The following PHKB variants were observed in gnomAD, a reference collection of about 807,000 sequenced individuals.
PHKB encodes phosphorylase kinase regulatory subunit beta, also known as phosphorylase b kinase regulatory subunit beta.
Under a neutral mutation model 152.1 loss-of-function variants are expected in PHKB, and 122 were observed. That is an observed-to-expected ratio of 0.80 (90% confidence interval 0.69 to 0.93). The LOEUF is 0.93. Among genes scored for constraint, PHKB ranks in the 40% least tolerant of loss-of-function variants. The pLI, the probability that PHKB is intolerant of heterozygous loss-of-function variation, is 0.00. For missense variants in PHKB, 1,304 were observed against 1,328.4 expected (o/e 0.98, Z 0.29); for synonymous variants, 436 against 464.9 (o/e 0.94, Z 0.80).
intron 6 of PHKB, among the ~76,000 whole-genome samples, chr16:47,525,822 G>A (rs1383887210): frequency 1.3e-5 from 2 of 152,216 alleles, no homozygotes; most frequent in Non-Finnish European, 2.9e-5. Flanking sequence ...AGTTGTACCA[G>A]AGGACAGGTG....
intron 26 of PHKB, among the ~76,000 whole-genome samples, chr16:47,686,836 A>T (rs1179907132): frequency 6.6e-6 from 1 of 152,244 alleles, no homozygotes; most frequent in Non-Finnish European, 1.5e-5. Flanking sequence ...GCTCTAAAAA[A>T]GGACATTATC....
intron 6 of PHKB, among the ~76,000 whole-genome samples, chr16:47,522,961 A>ATT (rs375826369): frequency 6.4e-4 from 79 of 122,488 alleles, no homozygotes; most frequent in African/African-American, 2.0e-3. Flanking sequence ...TTTCAAGTCA[A>ATT]TTTTTTTTTT....
At chr16:47,484,853 A>G (rs1970023314) in intron 1 of PHKB, among the ~76,000 whole-genome samples, 1 of 152,232 alleles carries the variant, frequency 6.6e-6, no homozygotes, top group South Asian at 2.1e-4. Context: ...CAAGTAGTAA[A>G]TGCATATAAT....
intron 27 of PHKB, among the ~76,000 whole-genome samples, chr16:47,691,195 A>G (rs1663472654): frequency 1.3e-5 from 2 of 152,188 alleles, no homozygotes; most frequent in Admixed American, 1.3e-4. Flanking sequence ...ACATTTCTAA[A>G]GTGTGAAGGT....
At chr16:47,542,564 G>A (rs1247632420) in intron 6 of PHKB, among the ~76,000 whole-genome samples, 1 of 152,150 alleles carries the variant, frequency 6.6e-6, no homozygotes, top group Admixed American at 6.5e-5. Context: ...GTTAGGGATG[G>A]CATTGAATCT....
chr16:47,474,521 A>G (rs1322619231), intron 1 of PHKB, among the ~76,000 whole-genome samples: 1 of 152,022 alleles, frequency 6.6e-6, no homozygotes, highest in Non-Finnish European at 1.5e-5. Context: ...ATTCTTTATT[A>G]TATTTCTGTC....
chr16:47,694,828 C>G (rs974995326), intron 28 of PHKB, among the ~76,000 whole-genome samples: 1 of 152,208 alleles, frequency 6.6e-6, no homozygotes, highest in African/African-American at 2.4e-5. Flanking sequence ...TCTTTCTCAG[C>G]CCCCACTAAT....
At chr16:47,536,943 T>C (rs1222584947) in intron 6 of PHKB, among the ~76,000 whole-genome samples, 1 of 152,240 alleles carries the variant, frequency 6.6e-6, no homozygotes, top group Non-Finnish European at 1.5e-5. Flanking sequence ...GAAAAGTGTT[T>C]TCATTTGGAA....
intron 16 of PHKB, among the ~76,000 whole-genome samples, chr16:47,647,123 AT>A (rs983179149): frequency 2.8e-4 from 43 of 151,560 alleles, no homozygotes; most frequent in African/African-American, 1.0e-3. Context: ...GTATTTATTT[AT>A]TTATTTATTT....
chr16:47,629,530 G>A (rs1485064469), intron 14 of PHKB, among the ~76,000 whole-genome samples: 1 of 151,422 alleles, frequency 6.6e-6, no homozygotes, highest in Non-Finnish European at 1.5e-5. Context: ...AACAACAGGT[G>A]CTGGAGAGGA....
chr16:47,600,276 T>G (rs537554507), intron 13 of PHKB, among the ~76,000 whole-genome samples: 1 of 152,278 alleles, frequency 6.6e-6, no homozygotes, highest in Non-Finnish European at 1.5e-5. Flanking sequence ...ATAAGTTAAT[T>G]ATTCACAGTA....
At chr16:47,495,706 C>T (rs1970220305) in intron 1 of PHKB, among the ~76,000 whole-genome samples, 1 of 152,076 alleles carries the variant, frequency 6.6e-6, no homozygotes. Context: ...TGCCAGGCTA[C>T]CCATATGCTT....
chr16:47,635,881 T>G (rs1972910845), intron 14 of PHKB, among the ~76,000 whole-genome samples: 1 of 152,250 alleles, frequency 6.6e-6, no homozygotes, highest in African/African-American at 2.4e-5. Context: ...AAGCAGTTCC[T>G]GGCATGTGGA....
At chr16:47,692,783 A>AT (rs1450176970) in intron 27 of PHKB, among the ~76,000 whole-genome samples, 1 of 152,216 alleles carries the variant, frequency 6.6e-6, no homozygotes, top group African/African-American at 2.4e-5. Flanking sequence ...GTATCACTAC[A>AT]TTCTGTTATT....
At chr16:47,549,854 A>T (rs1228996969) in intron 7 of PHKB, among the ~76,000 whole-genome samples, 1 of 152,138 alleles carries the variant, frequency 6.6e-6, no homozygotes, top group Non-Finnish European at 1.5e-5. Context: ...CTTTAAATTG[A>T]TTCATTAAGG....
intron 27 of PHKB, among the ~76,000 whole-genome samples, chr16:47,691,392 A>G (rs778029845): frequency 6.6e-6 from 1 of 152,184 alleles, no homozygotes. Context: ...GTTTTATACT[A>G]TAGTTATGTA....
chr16:47,533,756 G>A (rs1970903668), intron 6 of PHKB, among the ~76,000 whole-genome samples: 1 of 152,192 alleles, frequency 6.6e-6, no homozygotes, highest in Non-Finnish European at 1.5e-5. Context: ...AGAGTATAGA[G>A]ATGCCTGGGT....
intron 7 of PHKB, among the ~76,000 whole-genome samples, chr16:47,579,593 T>C (rs996319534): frequency 2.0e-5 from 3 of 152,158 alleles, no homozygotes; most frequent in Admixed American, 6.5e-5. Flanking sequence ...GTATTAGATA[T>C]AAAATATTTA....
chr16:47,571,746 G>A (rs536112534), intron 7 of PHKB, among the ~76,000 whole-genome samples: 2 of 152,286 alleles, frequency 1.3e-5, no homozygotes, highest in South Asian at 2.1e-4. Flanking sequence ...CACAAGTACC[G>A]GGGCTCCTCC....
Sources: allele counts gnomAD v4.1 joint callset (sites outside exome capture counted in the v4.1 genomes callset), GRCh38; gene constraint gnomAD v4.1.1; transcripts MANE v1.5; gene names NCBI Gene and HGNC (gene_info 2026-07-23, HGNC 2026-07-21).